CTNND2: variants seen among roughly 807,000 people sequenced by gnomAD.
CTNND2 encodes catenin delta-2.
A neutral mutation model predicts 144.4 loss-of-function variants in CTNND2; 22 were observed. That is an observed-to-expected ratio of 0.15 (90% CI 0.11 to 0.22). CTNND2 has a LOEUF of 0.22. Ranked by LOEUF, CTNND2 falls within the 10% of genes least tolerant of loss-of-function variation. The pLI is 1.00. For synonymous variants in CTNND2, 751 were observed against 695.6 expected, an observed-to-expected ratio of 1.08 and a Z score of -1.25; for missense variants, 1,353 against 1,618.8, an observed-to-expected ratio of 0.84 and a Z score of 2.82.
At chr5:11,434,071 A>G (rs1043968401) in intron 3 of CTNND2, among the ~76,000 whole-genome samples, 5 of 152,242 alleles carry the variant, frequency 3.3e-5, no homozygotes, top group African/African-American at 7.2e-5. Flanking sequence ...GAATGAGCCC[A>G]GAAACTAATC....
At chr5:11,751,799 T>G (rs1486960202) in intron 1 of CTNND2, among the ~76,000 whole-genome samples, 1 of 151,868 alleles carries the variant, frequency 6.6e-6, no homozygotes, top group African/African-American at 2.4e-5. Flanking sequence ...CACTGCTTAC[T>G]ACAATGGCTG....
At chr5:11,307,481 G>A (rs1750365875) in intron 9 of CTNND2, among the ~76,000 whole-genome samples, 1 of 152,114 alleles carries the variant, frequency 6.6e-6, no homozygotes, top group Admixed American at 6.5e-5. Flanking sequence ...ATATGACAGG[G>A]GCCAAGGGGC....
chr5:11,563,193 T>C (rs1056572654), intron 3 of CTNND2, among the ~76,000 whole-genome samples: 1 of 152,120 alleles, frequency 6.6e-6, no homozygotes, highest in Non-Finnish European at 1.5e-5. Context: ...GGGGCTGGAG[T>C]TGCATGAAAC....
chr5:11,610,256 C>T (rs531403737), intron 2 of CTNND2, among the ~76,000 whole-genome samples: 89 of 152,276 alleles, frequency 5.8e-4, no homozygotes, highest in Non-Finnish European at 9.7e-4. Context: ...TTCTCTTGGC[C>T]GGTATCAATG....
intron 16 of CTNND2, among the ~76,000 whole-genome samples, chr5:11,067,171 A>T (rs992104384): frequency 6.6e-6 from 1 of 152,228 alleles, no homozygotes. Flanking sequence ...AAGAGAACAC[A>T]TTTTAAAAAT....
In CTNND2 at chr5:11,819,303, G is replaced by A. The variant is rs1030978376; in HGVS notation, c.37+84514C>T. ...ACAAAACTTAGCCAGGAGTGGTGGC[G>A]GGAGCCTGTAATCCCAGCTACTCGG... On this transcript the variant is annotated intron_variant, in intron 1 of 21. Coordinates refer to ENST00000304623, the MANE Select transcript of CTNND2 (RefSeq NM_001332.4). 2.6e-4 allele frequency among the ~76,000 whole-genome samples: 40 copies of A among 152,070 alleles called. 1 individual carries two copies. The highest frequency in any genetic ancestry group is 1.6e-3 in the Admixed American group (25 of 15,270).
At chr5:11,636,701 C>T (rs1367733423) in intron 2 of CTNND2, among the ~76,000 whole-genome samples, 2 of 152,166 alleles carry the variant, frequency 1.3e-5, no homozygotes, top group Non-Finnish European at 2.9e-5. Context: ...ACTTCTGAAA[C>T]ATTAGAAAGT....
chr5:11,233,099 T>C (rs1741223193), intron 10 of CTNND2, among the ~76,000 whole-genome samples: 1 of 152,168 alleles, frequency 6.6e-6, no homozygotes, highest in Admixed American at 6.5e-5. Flanking sequence ...ATTAAACCTC[T>C]CTTCTTTATA....
At chr5:11,351,387 G>A (rs1478612076) in intron 8 of CTNND2, among the ~76,000 whole-genome samples, 1 of 152,018 alleles carries the variant, frequency 6.6e-6, no homozygotes, top group Non-Finnish European at 1.5e-5. Flanking sequence ...TGGTCTCTTC[G>A]GGAGATATAA....
intron 9 of CTNND2, among the ~76,000 whole-genome samples, chr5:11,247,518 T>C (rs1289998254): frequency 6.6e-6 from 1 of 152,204 alleles, no homozygotes; most frequent in Non-Finnish European, 1.5e-5. Flanking sequence ...AGTTTTCTCC[T>C]GGCTGGTAAA....
intron 9 of CTNND2, among the ~76,000 whole-genome samples, chr5:11,268,036 G>T (rs146899033): frequency 2.3e-4 from 35 of 152,310 alleles, no homozygotes; most frequent in African/African-American, 7.0e-4. Context: ...TCCAAAAGTG[G>T]CAATGGTAGA....
At chr5:11,446,614 T>TGCCTGCATGCTGCCTGAGG (rs1764827648) in intron 3 of CTNND2, among the ~76,000 whole-genome samples, 1 of 152,148 alleles carries the variant, frequency 6.6e-6, no homozygotes, top group Non-Finnish European at 1.5e-5. Context: ...AAAGATAGGT[T>TGCCTGCATGCTGCCTGAGG]GCCTGCATGC....
chr5:11,556,792 G>T (rs1470622365), intron 3 of CTNND2, among the ~76,000 whole-genome samples: 1 of 152,136 alleles, frequency 6.6e-6, no homozygotes, highest in Non-Finnish European at 1.5e-5. Flanking sequence ...GGGAAGAAAA[G>T]AAAGCACTTC....
Position 11,580,644 on chromosome 5 carries a change from T to C in CTNND2, c.175-15588A>G, listed in dbSNP as rs16901760. Among the ~76,000 whole-genome samples, 950 of 152,342 alleles carry C rather than the reference T, an allele frequency of 6.2e-3. 19 individuals are homozygous for C. The highest frequency in any genetic ancestry group is 0.056 in the East Asian group (288 of 5,180). On this transcript the variant is annotated intron_variant, in intron 2 of 21. Coordinates refer to ENST00000304623, the MANE Select transcript of CTNND2 (RefSeq NM_001332.4). ...CATCCTTCTCCTTCAAGCGTCAGCCTTTCCAGCAGTTTCTCAATGAAAGTT... is the reference window on the plus strand; with the variant it reads ...CATCCTTCTCCTTCAAGCGTCAGCCCTTCCAGCAGTTTCTCAATGAAAGTT...
intron 12 of CTNND2, among the ~76,000 whole-genome samples, chr5:11,155,091 C>T (rs559718589): frequency 3.3e-5 from 5 of 152,268 alleles, no homozygotes; most frequent in South Asian, 4.2e-4. Context: ...TTCAACACAC[C>T]GCAGTGACTT....
Position 11,364,719 on chromosome 5 carries a change from G to C in CTNND2, c.1349C>G (p.Thr450Ser). 6.2e-7 allele frequency: 1 copy of C among 1,613,492 alleles called. No homozygotes were observed. The highest frequency in any genetic ancestry group is 1.3e-5 in the African/African-American group (1 of 75,008). The change falls in exon 8 of 22, where the codon ACC (threonine) becomes AGC (serine). Residue 450 changes from threonine (T) to serine (S), a missense_variant. By Grantham distance (58) the Thr-to-Ser change is moderately conservative. Transcript: ENST00000304623. ...SQGDPLPPAH[T>S]GTYRTSTAPS... ...ACCTGTGCTCGTGCGGTAGGTGCCG[G>C]TGTGTGCTGGCGGCAGAGGGTCCCC...
chr5:11,092,574 T>C (rs1219662892), intron 15 of CTNND2, among the ~76,000 whole-genome samples: 1 of 152,058 alleles, frequency 6.6e-6, no homozygotes, highest in African/African-American at 2.4e-5. Context: ...CTCCACAGAG[T>C]GGGTCTGTTC....
At chr5:11,134,549 C>G (rs551157144) in intron 12 of CTNND2, among the ~76,000 whole-genome samples, 212 of 152,308 alleles carry the variant, frequency 1.4e-3, no homozygotes, top group Middle Eastern at 3.4e-3. Flanking sequence ...AAAGGAAACC[C>G]ACCATAGTAA....
chr5:11,631,845 A>G (rs957153658), intron 2 of CTNND2, among the ~76,000 whole-genome samples: 6 of 152,120 alleles, frequency 3.9e-5, no homozygotes, highest in African/African-American at 9.7e-5. Context: ...ATCCAGCCCC[A>G]TCGCCCACTT....
Sources: gnomAD v4.1 joint callset for allele counts (sites outside exome capture counted in the v4.1 genomes callset) on GRCh38, gnomAD v4.1.1 for gene constraint, MANE v1.5 for transcripts, NCBI Gene and HGNC (gene_info 2026-07-23, HGNC 2026-07-21) for gene names.